The following EPB41L3 variants were observed in gnomAD, a reference collection of about 807,000 sequenced individuals.
EPB41L3 encodes band 4.1-like protein 3.
In EPB41L3, 57 loss-of-function variants were observed where a neutral mutation model predicts 127.1. The ratio of observed to expected loss-of-function variants is 0.45; its 90% CI spans 0.36 to 0.56. The LOEUF is 0.56. Among genes scored for constraint, EPB41L3 ranks in the 20% least tolerant of loss-of-function variants. The pLI is 0.00. For synonymous variants in EPB41L3, 572 were observed against 549.5 expected (o/e 1.04, Z -0.57); for missense variants, 1,273 against 1,372.2 (o/e 0.93, Z 1.14).
chr18:5,593,580 G>T (rs2094507023), intron 3 of EPB41L3, among the ~76,000 whole-genome samples: 1 of 152,126 alleles, frequency 6.6e-6, no homozygotes, highest in Non-Finnish European at 1.5e-5. Flanking sequence ...GAAGTTTCAG[G>T]CACCATTGTC....
At chr18:5,520,574 AAG>A (rs2092948254) in intron 1 of EPB41L3, among the ~76,000 whole-genome samples, 1 of 151,758 alleles carries the variant, frequency 6.6e-6, no homozygotes, top group South Asian at 2.1e-4. Context: ...AAAAAAAAAA[AAG>A]GATGAGGCTA....
chr18:5,438,777 A>C (rs754511552), intron 5 of EPB41L3, among the ~76,000 whole-genome samples: 3 of 152,146 alleles, frequency 2.0e-5, no homozygotes, highest in Non-Finnish European at 4.4e-5. Flanking sequence ...GATCCTCTTT[A>C]TGCTTTGCAA....
At chr18:5,426,048 CTTCTT>C (rs143332956) in intron 9 of EPB41L3, among the ~76,000 whole-genome samples, 1,617 of 152,318 alleles carry the variant, frequency 0.011, 11 homozygotes, top group Non-Finnish European at 0.016. Flanking sequence ...CAGCCTGTTT[CTTCTT>C]TTATTTCTCT....
intron 3 of EPB41L3, among the ~76,000 whole-genome samples, chr18:5,564,926 G>A (rs2094178791): frequency 6.6e-6 from 1 of 152,056 alleles, no homozygotes; most frequent in Non-Finnish European, 1.5e-5. Context: ...TAAATATAAT[G>A]GTAGCATCTG....
intron 2 of EPB41L3, among the ~76,000 whole-genome samples, chr18:5,485,819 C>G (rs565564533): frequency 1.3e-5 from 2 of 151,924 alleles, no homozygotes; most frequent in Non-Finnish European, 2.9e-5. Flanking sequence ...CTATAAAACT[C>G]TGATGAAAGA....
intron 15 of EPB41L3, chr18:5,407,396 A>G (rs1349072935): frequency 2.3e-6 from 1 of 429,400 alleles, no homozygotes; most frequent in African/African-American, 2.0e-5. Context: ...TAAAAGAAAA[A>G]CAACACACAC....
chr18:5,495,217 GCTGA>G (rs1477703027), intron 1 of EPB41L3, among the ~76,000 whole-genome samples: 6 of 152,176 alleles, frequency 3.9e-5, no homozygotes, highest in African/African-American at 7.2e-5. Flanking sequence ...CTCCTGTGGA[GCTGA>G]CTGACTTTTT....
At chr18:5,498,812 T>A (rs1024458787) in intron 1 of EPB41L3, among the ~76,000 whole-genome samples, 1 of 152,066 alleles carries the variant, frequency 6.6e-6, no homozygotes, top group Non-Finnish European at 1.5e-5. Flanking sequence ...ATATAGCAAC[T>A]ATTTTCTCCA....
At chr18:5,566,757 CTATTCTATTCT>C (rs2094207936) in intron 3 of EPB41L3, among the ~76,000 whole-genome samples, 3 of 141,172 alleles carry the variant, frequency 2.1e-5, no homozygotes, top group East Asian at 2.2e-4. Context: ...CTATTCTATT[CTATTCTATTCT>C]ATTCTATTCT....
At chr18:5,423,040 G>T (rs1248240772) in intron 11 of EPB41L3, among the ~76,000 whole-genome samples, 1 of 152,162 alleles carries the variant, frequency 6.6e-6, no homozygotes, top group Non-Finnish European at 1.5e-5. Context: ...TTTAAGACCT[G>T]TTGGCAAGAG....
chr18:5,618,714 T>C (rs1275241623), intron 1 of EPB41L3, among the ~76,000 whole-genome samples: 1 of 152,148 alleles, frequency 6.6e-6, no homozygotes, highest in East Asian at 1.9e-4. Flanking sequence ...AAAAAAAAAC[T>C]ACACCATAAA....
chr18:5,626,289 C>G (rs1856531231), intron 1 of EPB41L3, among the ~76,000 whole-genome samples: 2 of 152,200 alleles, frequency 1.3e-5, no homozygotes, highest in Admixed American at 1.3e-4. Context: ...AAAAACCTCA[C>G]ATACTACTGA....
chr18:5,406,915 C>G lies in EPB41L3; in HGVS notation c.2211G>C (p.Glu737Asp), dbSNP rs772020394. The change falls in exon 16 of 23, where the codon GAG (glutamate) becomes GAC (aspartate). Residue 737 changes from glutamate (E) to aspartate (D), a missense_variant. Glu to Asp is a conservative substitution (Grantham distance 45). Transcript: ENST00000341928. The stretch of plus-strand genomic sequence containing the variant: ...AGGTTTCTAAGAAGGTTCTTTTCAG[C>G]TCGCTAATGTTGGTTTGATGTTTCA... ...DLMKHQTNIS[E>D]LKRTFLETST... The G allele has an allele frequency of 1.2e-6, 2 of 1,614,174 alleles. No individual in the cohort carries two copies. The highest frequency in any genetic ancestry group is 2.2e-5 in the East Asian group (1 of 44,880).
At chr18:5,396,757 T>C (rs1428363245) in intron 18 of EPB41L3, among the ~76,000 whole-genome samples, 1 of 152,176 alleles carries the variant, frequency 6.6e-6, no homozygotes, top group Non-Finnish European at 1.5e-5. Context: ...TTTTCTAATA[T>C]CTTGGCCAAC....
chr18:5,440,746 T>G (rs2080581177), intron 5 of EPB41L3, among the ~76,000 whole-genome samples: 1 of 152,224 alleles, frequency 6.6e-6, no homozygotes, highest in African/African-American at 2.4e-5. Context: ...CGATATATGC[T>G]CTATGTCATA....
chr18:5,510,176 A>C (rs1027729708), intron 1 of EPB41L3, among the ~76,000 whole-genome samples: 1 of 152,186 alleles, frequency 6.6e-6, no homozygotes, highest in African/African-American at 2.4e-5. Context: ...CATCTGAAGG[A>C]TTTCTGGTCT....
At chr18:5,581,483 A>G (rs2143211638) in intron 3 of EPB41L3, among the ~76,000 whole-genome samples, 1 of 152,352 alleles carries the variant, frequency 6.6e-6, no homozygotes, top group East Asian at 1.9e-4. Context: ...GTAAGTAAGT[A>G]GGATGGGTAA....
rs570843432 is a variant in EPB41L3 at position 5,434,762 on chromosome 18, G to A, written c.606-641C>T. On this transcript the variant is annotated intron_variant, in intron 6 of 22. Coordinates refer to ENST00000341928, the MANE Select transcript of EPB41L3 (RefSeq NM_012307.5). ...TTAATACTTGATAACAAGTGACTAC[G>A]TTACTAGTTTATGTATTCACTATGC... Among the ~76,000 whole-genome samples, 4 of 152,230 alleles carry A rather than the reference G, an allele frequency of 2.6e-5. No homozygotes were observed. The South Asian group carries it at 6.2e-4, about 24-fold the overall frequency.
chr18:5,484,214 A>C (rs2089289484), intron 2 of EPB41L3, among the ~76,000 whole-genome samples: 1 of 151,164 alleles, frequency 6.6e-6, no homozygotes. Context: ...ACACAAACAC[A>C]TGGAAATTAA....
Sources: gnomAD v4.1 joint callset for allele counts (sites outside exome capture counted in the v4.1 genomes callset) on GRCh38, gnomAD v4.1.1 for gene constraint, MANE v1.5 for transcripts, NCBI Gene and HGNC (gene_info 2026-07-23, HGNC 2026-07-21) for gene names.